ADAM12: variants seen among roughly 807,000 people sequenced by gnomAD.
ADAM12 encodes the protein ADAM metallopeptidase domain 12.
Under a neutral mutation model 106.4 loss-of-function variants are expected in ADAM12, and 70 were observed. That is an observed-to-expected ratio of 0.66 (90% CI 0.54 to 0.80). The LOEUF is 0.80. ADAM12 is among the 30% of genes least tolerant of loss of function. The pLI is 0.00. For missense variants in ADAM12, 1,010 were observed against 1,171.9 expected, an observed-to-expected ratio of 0.86 and a Z score of 2.02; for synonymous variants, 420 against 433.5, an observed-to-expected ratio of 0.97 and a Z score of 0.39.
intron 3 of ADAM12, among the ~76,000 whole-genome samples, chr10:126,248,700 T>C (rs908813471): frequency 0.04 from 2,261 of 56,620 alleles, 64 homozygotes; most frequent in African/African-American, 0.19. Context: ...TATTTATTTA[T>C]TTATTTATTT....
intron 1 of ADAM12, among the ~76,000 whole-genome samples, chr10:126,360,156 G>A (rs1026347917): frequency 1.4e-4 from 21 of 152,160 alleles, no homozygotes; most frequent in South Asian, 4.1e-4. Context: ...CCTGACCCAC[G>A]AAACCATTCT....
At position 126,090,228 on chromosome 10, in the gene ADAM12, C is replaced by T. The variant is rs1454084315; in HGVS notation, c.1145+3757G>A. 4.7e-5 allele frequency among the ~76,000 whole-genome samples: 7 copies of T among 149,772 alleles called. No individual in the cohort carries two copies. The East Asian group carries it at 9.9e-4, about 21-fold the overall frequency. On this transcript the variant is annotated intron_variant, in intron 11 of 22. Transcript: ENST00000448723. ...TCAGTGTGTAACAGTGGCAGGGGCT[C>T]GGTGAATATGACTTGCAGATTCACC...
chr10:126,317,751 T>C (rs930660565), intron 2 of ADAM12, among the ~76,000 whole-genome samples: 11 of 152,318 alleles, frequency 7.2e-5, no homozygotes, highest in African/African-American at 2.6e-4. Context: ...TATTTCCTTT[T>C]ATACCATTTT....
intron 3 of ADAM12, among the ~76,000 whole-genome samples, chr10:126,278,369 T>C (rs1002602239): frequency 3.9e-5 from 6 of 152,184 alleles, no homozygotes; most frequent in African/African-American, 1.4e-4. Context: ...TGTATAATAG[T>C]ATCCAAGCGG....
At chr10:126,383,308 G>C (rs1564768952) in intron 1 of ADAM12, among the ~76,000 whole-genome samples, 2 of 151,976 alleles carry the variant, frequency 1.3e-5, no homozygotes, top group Non-Finnish European at 1.5e-5. Flanking sequence ...TTAAATAACT[G>C]TCCCAGAAAG....
At chr10:126,070,461 AG>A (rs933782040) in intron 12 of ADAM12, 3 of 152,242 alleles carry the variant, frequency 2.0e-5, no homozygotes, top group African/African-American at 7.2e-5. Flanking sequence ...AGAGACTTGA[AG>A]ATGGGGATAT....
chr10:126,064,784 C>A lies in ADAM12; in HGVS notation c.1609+22G>T, dbSNP rs200106066. 2 of 1,581,990 alleles carry A rather than the reference C, an allele frequency of 1.3e-6. No homozygotes were observed. The highest frequency in any genetic ancestry group is 1.3e-5 in the African/African-American group (1 of 74,246). The stretch of plus-strand genomic sequence containing the variant: ...GGTCTGCCAGTGCCTCTCCTGATGC[C>A]GAGCTTGTGGCGGCCACGTACCTGG... On this transcript the variant is annotated intron_variant, in intron 14 of 22. Transcript: ENST00000448723. This position sits in a 1 kb window ranked among gnomAD's most constrained non-coding sequence, Gnocchi z 4.4.
intron 21 of ADAM12, among the ~76,000 whole-genome samples, chr10:126,021,013 A>AG (rs1953756521): frequency 6.8e-6 from 1 of 148,108 alleles, no homozygotes; most frequent in Admixed American, 6.7e-5. Flanking sequence ...AAAAAAAAAA[A>AG]TGTAAGAACA....
chr10:126,018,082 C>A (rs147954339), intron 22 of ADAM12, among the ~76,000 whole-genome samples: 139 of 152,298 alleles, frequency 9.1e-4, no homozygotes, highest in South Asian at 3.3e-3. Flanking sequence ...ACCCTTTGAC[C>A]GCCTTTATCT....
intron 13 of ADAM12, among the ~76,000 whole-genome samples, chr10:126,065,671 C>T (rs1204936815): frequency 6.6e-6 from 1 of 152,172 alleles, no homozygotes; most frequent in African/African-American, 2.4e-5. Flanking sequence ...GCTTAGTTCC[C>T]TGCATACTCC....
At chr10:126,101,906 T>C (rs1009594954) in intron 8 of ADAM12, among the ~76,000 whole-genome samples, 2 of 152,148 alleles carry the variant, frequency 1.3e-5, no homozygotes, top group African/African-American at 4.8e-5. Context: ...GAAAGGTCTG[T>C]TAAATGAAGT....
intron 11 of ADAM12, among the ~76,000 whole-genome samples, chr10:126,074,481 T>A (rs921907018): frequency 6.6e-6 from 1 of 152,156 alleles, no homozygotes; most frequent in Non-Finnish European, 1.5e-5. Flanking sequence ...AAGTCCAGGA[T>A]TTAAACTTCA....
chr10:126,365,362 T>C (rs1855874227), intron 1 of ADAM12, among the ~76,000 whole-genome samples: 2 of 152,032 alleles, frequency 1.3e-5, no homozygotes, highest in Non-Finnish European at 2.9e-5. Context: ...GCAAAGTAAA[T>C]ATGATAATAA....
chr10:126,101,071 C>CTCAGTCAGGTA lies in ADAM12; in HGVS notation c.911_911+1insTACCTGACTGA (p.Gly305ThrfsTer2). The CTCAGTCAGGTA allele has an allele frequency of 1.2e-6, 2 of 1,613,676 alleles. No homozygotes were observed. Among genetic ancestry groups the CTCAGTCAGGTA allele is most frequent in the Non-Finnish European group, 1.7e-6 (2 of 1,179,778 alleles). ...TAAGCAGACAAGACGTAACTCCCTA[C>CTCAGTCAGGTA]CTGACAAGCTGCGCATTGTCATGGG... is the stretch of plus-strand genomic sequence containing the variant. On this transcript the variant is annotated stop_gained and frameshift_variant and splice_region_variant. Transcript: ENST00000448723. LOFTEE classifies it high-confidence loss of function.
intron 3 of ADAM12, among the ~76,000 whole-genome samples, chr10:126,196,419 A>G (rs1957597656): frequency 1.3e-5 from 2 of 152,196 alleles, no homozygotes; most frequent in South Asian, 2.1e-4. Context: ...CTCATCAATC[A>G]GCTGCATAAA....
intron 2 of ADAM12, among the ~76,000 whole-genome samples, chr10:126,307,346 TCA>T (rs752090703): frequency 1.3e-5 from 2 of 152,160 alleles, no homozygotes; most frequent in African/African-American, 2.4e-5. Flanking sequence ...CTCTTGTCAG[TCA>T]CAGTTTCCTG....
chr10:126,107,733 G>A (rs905928213), intron 8 of ADAM12, among the ~76,000 whole-genome samples: 2 of 152,100 alleles, frequency 1.3e-5, no homozygotes, highest in Non-Finnish European at 2.9e-5. Context: ...GAATTGCTGG[G>A]GAGCTTCTGA....
intron 2 of ADAM12, among the ~76,000 whole-genome samples, chr10:126,290,036 A>G (rs950745727): frequency 3.9e-5 from 6 of 152,192 alleles, no homozygotes; most frequent in Non-Finnish European, 8.8e-5. Context: ...TGTAATCACA[A>G]GCGTTCCTGA....
rs117183195 is a variant in ADAM12, at chr10:126,031,964, G to C, written c.2529+4182C>G. On this transcript the variant is annotated intron_variant, in intron 21 of 22. Coordinates refer to ENST00000448723, the MANE Select transcript of ADAM12 (RefSeq NM_001288973.2). ...TAGGATGAGAAGCTTGAATTCCAAG[G>C]GTCCTTTTACCATGAAGGAAGTGGT... 5.3e-4 allele frequency among the ~76,000 whole-genome samples: 81 copies of C among 152,238 alleles called. 2 individuals are homozygous for C. The East Asian group carries it at 5.6e-3, about 11-fold the overall frequency.
Sources: gnomAD v4.1 joint callset for allele counts (sites outside exome capture counted in the v4.1 genomes callset) on GRCh38, gnomAD v4.1.1 for gene constraint, Gnocchi (gnomAD v3.1) non-coding constraint, MANE v1.5 for transcripts, NCBI Gene and HGNC (gene_info 2026-07-23, HGNC 2026-07-21) for gene names.